STK3: variants seen among roughly 807,000 people sequenced by gnomAD.
The protein encoded by STK3 is serine/threonine-protein kinase 3.
STK3 carries 41 observed loss-of-function variants against 58.0 expected under a neutral mutation model. The ratio of observed to expected loss-of-function variants is 0.71; its 90% CI spans 0.55 to 0.92. The LOEUF is 0.92. Ranked by LOEUF, STK3 falls within the 40% of genes least tolerant of loss-of-function variation. The probability of loss-of-function intolerance (pLI) is 0.00; values close to 1 mark genes in which losing one functional copy is unlikely to be tolerated. For synonymous variants in STK3, 170 were observed against 191.0 expected, an observed-to-expected ratio of 0.89 and a Z score of 0.91; for missense variants, 479 against 602.7, an observed-to-expected ratio of 0.79 and a Z score of 2.15.
At chr8:98,424,537 G>C (rs957386024) in intron 3 of STK3, among the ~76,000 whole-genome samples, 2 of 152,184 alleles carry the variant, frequency 1.3e-5, no homozygotes, top group African/African-American at 4.8e-5. Context: ...GGCCCAGGCA[G>C]AGCCTGGTCT....
chr8:98,846,910 C>A (rs761159083), intron 3 of STK3, among the ~76,000 whole-genome samples: 1 of 151,446 alleles, frequency 6.6e-6, no homozygotes, highest in Non-Finnish European at 1.5e-5. Flanking sequence ...TTAAAAAGTG[C>A]CCCCCCATGA....
At chr8:98,843,520 C>A (rs1300059088) in intron 3 of STK3, among the ~76,000 whole-genome samples, 2 of 152,224 alleles carry the variant, frequency 1.3e-5, no homozygotes, top group Non-Finnish European at 2.9e-5. Context: ...AGCTCCAAAT[C>A]TTACACAAAA....
At chr8:98,458,854 C>G (rs1819711202) in intron 10 of STK3, among the ~76,000 whole-genome samples, 1 of 152,194 alleles carries the variant, frequency 6.6e-6, no homozygotes, top group African/African-American at 2.4e-5. Flanking sequence ...CCTCCCCAGT[C>G]ACATGGAACT....
chr8:98,878,185 T>A (rs1462870507), intron 3 of STK3, among the ~76,000 whole-genome samples: 1 of 151,874 alleles, frequency 6.6e-6, no homozygotes, highest in Non-Finnish European at 1.5e-5. Context: ...CCTGAGTAAC[T>A]GGGATTACAG....
chr8:98,928,873 G>A (rs1480154291), intron 1 of STK3, among the ~76,000 whole-genome samples: 2 of 152,220 alleles, frequency 1.3e-5, no homozygotes, highest in Non-Finnish European at 2.9e-5. Flanking sequence ...AATGAGGGGG[G>A]CTTTAACAAC....
rs538994816 is a variant in STK3 at position 98,567,225 on chromosome 8, G to A, written c.948+12439C>T. 2.6e-5 allele frequency among the ~76,000 whole-genome samples: 4 copies of A among 152,274 alleles called. No homozygotes were observed. In the South Asian group the frequency reaches 8.3e-4, roughly 32 times the overall value. Reference sequence around the variant, plus strand: ...ATCATTTATGTCTATTCTTTTTGTTGTGTTGTTGAGACAGGGTCTAGCTCT... The same window carrying A: ...ATCATTTATGTCTATTCTTTTTGTTATGTTGTTGAGACAGGGTCTAGCTCT... On this transcript the variant is annotated intron_variant, in intron 8 of 10. Coordinates refer to ENST00000419617, the MANE Select transcript of STK3 (RefSeq NM_006281.4).
chr8:98,394,873 G>A (rs1417253737), intron 3 of STK3, among the ~76,000 whole-genome samples: 1 of 152,226 alleles, frequency 6.6e-6, no homozygotes, highest in Admixed American at 6.5e-5. Flanking sequence ...TTGCCACAGA[G>A]AGAAGAAACA....
upstream of STK3, among the ~76,000 whole-genome samples, chr8:98,828,639 AAG>A (rs1253552844): frequency 6.6e-6 from 1 of 151,814 alleles, no homozygotes; most frequent in Admixed American, 6.6e-5. Context: ...GAAGGAAGGA[AAG>A]AGAGAAAGAA....
intron 9 of STK3, among the ~76,000 whole-genome samples, chr8:98,545,294 G>A (rs1586826596): frequency 6.6e-6 from 1 of 152,338 alleles, no homozygotes; most frequent in East Asian, 1.9e-4. Flanking sequence ...GCCAGACTGT[G>A]AAGGATCTTG....
chr8:98,788,912 C>T (rs771438856), intron 1 of STK3, among the ~76,000 whole-genome samples: 13 of 152,140 alleles, frequency 8.5e-5, no homozygotes, highest in Admixed American at 3.9e-4. Flanking sequence ...AACAAATGGA[C>T]TTAACAGATT....
At chr8:98,553,798 T>C (rs1049408844) in intron 8 of STK3, among the ~76,000 whole-genome samples, 5 of 151,972 alleles carry the variant, frequency 3.3e-5, no homozygotes, top group African/African-American at 1.2e-4. Flanking sequence ...ACTCCATCTC[T>C]ACTAAAAATA....
intron 6 of STK3, among the ~76,000 whole-genome samples, chr8:98,703,414 T>TA (rs762634144): frequency 2.6e-5 from 4 of 152,154 alleles, no homozygotes; most frequent in African/African-American, 9.7e-5. Flanking sequence ...AAAATGTTGG[T>TA]AAAAAACTTC....
At chr8:98,820,781 T>A (rs929106442) in intron 1 of STK3, among the ~76,000 whole-genome samples, 3 of 152,178 alleles carry the variant, frequency 2.0e-5, no homozygotes, top group Middle Eastern at 3.4e-3. Flanking sequence ...ATCGAGACCA[T>A]CCTGGCTAAC....
intron 6 of STK3, among the ~76,000 whole-genome samples, chr8:98,648,285 T>C (rs1820563417): frequency 6.6e-6 from 1 of 152,224 alleles, no homozygotes; most frequent in Admixed American, 6.5e-5. Flanking sequence ...CATTAATTGG[T>C]ATACACAGAA....
intron 4 of STK3, among the ~76,000 whole-genome samples, chr8:98,715,532 T>C (rs1411274271): frequency 6.6e-6 from 1 of 151,996 alleles, no homozygotes; most frequent in African/African-American, 2.4e-5. Flanking sequence ...CATGAAAACA[T>C]GCTCATCATC....
intron 1 of STK3, among the ~76,000 whole-genome samples, chr8:98,823,559 A>G (rs537915368): frequency 6.6e-6 from 1 of 152,342 alleles, no homozygotes; most frequent in East Asian, 1.9e-4. Flanking sequence ...GCCTCATATA[A>G]TAAGGAAAAC....
chr8:98,581,900 A>C (rs1788270489), intron 7 of STK3, among the ~76,000 whole-genome samples: 1 of 152,066 alleles, frequency 6.6e-6, no homozygotes, highest in South Asian at 2.1e-4. Flanking sequence ...ATGAGGAAGT[A>C]TAGAGAAAAA....
At chr8:98,858,122 C>A (rs1317775930) in intron 3 of STK3, among the ~76,000 whole-genome samples, 2 of 151,092 alleles carry the variant, frequency 1.3e-5, no homozygotes, top group South Asian at 2.1e-4. Flanking sequence ...GTGGCTCATG[C>A]CTGTAATCCC....
chr8:98,687,284 T>G (rs1057179238), intron 6 of STK3, among the ~76,000 whole-genome samples: 2 of 152,114 alleles, frequency 1.3e-5, no homozygotes, highest in African/African-American at 4.8e-5. Flanking sequence ...GAGGGGGTGG[T>G]TTAGGGATGA....
Sources: gnomAD v4.1 joint callset for allele counts (sites outside exome capture counted in the v4.1 genomes callset) on GRCh38, gnomAD v4.1.1 for gene constraint, MANE v1.5 for transcripts, NCBI Gene and HGNC (gene_info 2026-07-23, HGNC 2026-07-21) for gene names.